ACKR2: variants seen among roughly 807,000 people sequenced by gnomAD.
The protein encoded by ACKR2 is C-C chemokine receptor D6.
For synonymous variants in ACKR2, 207 were observed against 192.2 expected (o/e 1.08, Z -0.64); for missense variants, 457 against 477.3 (o/e 0.96, Z 0.40).
intron 2 of ACKR2, among the ~76,000 whole-genome samples, chr3:42,849,377 C>T (rs1701129227): frequency 6.6e-6 from 1 of 151,916 alleles, no homozygotes; most frequent in East Asian, 1.9e-4. Context: ...TGGTGGGCAC[C>T]TGTAATCCCA....
At chr3:42,830,616 A>G (rs1406419025) in intron 2 of ACKR2, among the ~76,000 whole-genome samples, 1 of 152,066 alleles carries the variant, frequency 6.6e-6, no homozygotes, top group Admixed American at 6.6e-5. Flanking sequence ...AAATCCTGTA[A>G]TGTGTTTCTT....
In ACKR2 at chr3:42,867,216, G is replaced by C. The variant is rs892609744; in HGVS notation, c.*1559G>C. ...TTACTTTCTATATGCGGCCGGAACA[G>C]GGTGGTTGACATCAGTTTTCTTCAG... On this transcript the variant is annotated 3_prime_UTR_variant, in exon 3 of 3. Coordinates refer to ENST00000422265, the MANE Select transcript of ACKR2 (RefSeq NM_001296.5). 2 of 167,066 alleles carry C rather than the reference G, an allele frequency of 1.2e-5. No homozygotes were observed. The highest frequency in any genetic ancestry group is 4.8e-5 in the African/African-American group (2 of 41,440). 10.3% of individuals were successfully genotyped at this position (167,066 alleles called of 1,614,324 possible). A position where few individuals can be genotyped will look rare whatever the true frequency, so the allele number is the denominator to read the frequency against.
At position 42,829,597 on chromosome 3, in the gene ACKR2, G is replaced by A. The variant is rs113453403; in HGVS notation, c.-38+9886G>A. 2.5e-3 allele frequency among the ~76,000 whole-genome samples: 382 copies of A among 152,208 alleles called. 2 individuals carry two copies. Among genetic ancestry groups the A allele is most frequent in the African/African-American group, 8.5e-3 (352 of 41,526 alleles). On this transcript the variant is annotated intron_variant, in intron 2 of 2. Coordinates refer to ENST00000422265, the MANE Select transcript of ACKR2 (RefSeq NM_001296.5). ...GGGTCACTCATCCTATCACTTTTCCGATAGGGCCGTGGAGTTGTACCCTCT... is the reference window on the plus strand; with the variant it reads ...GGGTCACTCATCCTATCACTTTTCCAATAGGGCCGTGGAGTTGTACCCTCT...
Position 42,827,943 on chromosome 3 carries a change from CCA to C in ACKR2, c.-38+8238_-38+8239del, listed in dbSNP as rs1014030809. Among the ~76,000 whole-genome samples, 20 of 151,900 alleles carry C rather than the reference CCA, an allele frequency of 1.3e-4. 1 individual carries two copies. Among genetic ancestry groups the C allele is most frequent in the African/African-American group, 4.8e-4 (20 of 41,434 alleles). ...AGAAAAATGAATTGCCCTTTAGCTA[CCA>C]CACACCCTTCAGTCTTCTCCATAAA... On this transcript the variant is annotated intron_variant, in intron 2 of 2. Coordinates refer to ENST00000422265, the MANE Select transcript of ACKR2 (RefSeq NM_001296.5).
chr3:42,859,637 T>C (rs2088359973), intron 2 of ACKR2, among the ~76,000 whole-genome samples: 1 of 152,082 alleles, frequency 6.6e-6, no homozygotes, highest in Non-Finnish European at 1.5e-5. Flanking sequence ...CACCTCGGCC[T>C]CCCAAAGTGC....
chr3:42,854,380 A>T (rs1288621240), intron 2 of ACKR2, among the ~76,000 whole-genome samples: 1 of 152,180 alleles, frequency 6.6e-6, no homozygotes, highest in Non-Finnish European at 1.5e-5. Flanking sequence ...ACTGGCTCTC[A>T]GCACACCACT....
At chr3:42,839,818 T>A (rs1701018870) in intron 2 of ACKR2, among the ~76,000 whole-genome samples, 2 of 152,162 alleles carry the variant, frequency 1.3e-5, no homozygotes, top group South Asian at 4.1e-4. Flanking sequence ...CTGCGGTGTT[T>A]AGAATGTGAA....
chr3:42,859,509 G>A (rs2088358362), intron 2 of ACKR2, among the ~76,000 whole-genome samples: 1 of 151,964 alleles, frequency 6.6e-6, no homozygotes, highest in South Asian at 2.1e-4. Context: ...CTCCTGAGTG[G>A]CTGGGACTAG....
chr3:42,825,577 ATGTG>A (rs113371609), intron 2 of ACKR2, among the ~76,000 whole-genome samples: 3 of 148,716 alleles, frequency 2.0e-5, no homozygotes, highest in South Asian at 2.1e-4. Flanking sequence ...GTTAGCTCTG[ATGTG>A]TGTGTGTGTG....
At chr3:42,812,033 C>A (rs1202807056) in intron 1 of ACKR2, among the ~76,000 whole-genome samples, 1 of 152,212 alleles carries the variant, frequency 6.6e-6, no homozygotes, top group Non-Finnish European at 1.5e-5. Flanking sequence ...AACTCAGAGA[C>A]CGGGGCCTGT....
At chr3:42,845,858 AAAAAAAAG>A (rs1297959779) in intron 2 of ACKR2, among the ~76,000 whole-genome samples, 7 of 151,574 alleles carry the variant, frequency 4.6e-5, no homozygotes, top group African/African-American at 1.5e-4. Context: ...CAAAAAAAAA[AAAAAAAAG>A]AAAAAAGAAA....
Position 42,865,757 on chromosome 3 carries a change from AC to A in ACKR2, c.*103del. On this transcript the variant is annotated 3_prime_UTR_variant, in exon 3 of 3. Transcript: ENST00000422265. ...GGGGCCTCAGTGACTGTGTTGCTAA[AC>A]CCAGTGGTCAGTTCTCAGTTCTCAG... 1.0e-6 allele frequency: 1 copy of A among 955,030 alleles called. No homozygotes were observed. Among genetic ancestry groups the A allele is most frequent in the Non-Finnish European group, 1.6e-6 (1 of 640,384 alleles). The allele number at this position is 955,030 out of a possible 1,614,324, so 59.2% of individuals were successfully genotyped here. A position where few individuals can be genotyped will look rare whatever the true frequency, so the allele number is the denominator to read the frequency against.
At chr3:42,836,193 C>A (rs1246096233) in intron 2 of ACKR2, among the ~76,000 whole-genome samples, 2 of 152,196 alleles carry the variant, frequency 1.3e-5, no homozygotes, top group African/African-American at 2.4e-5. Context: ...ACACCTCTCT[C>A]CCACCTCCAA....
intron 2 of ACKR2, among the ~76,000 whole-genome samples, chr3:42,843,467 G>A (rs539922881): frequency 6.6e-6 from 1 of 151,772 alleles, no homozygotes; most frequent in Non-Finnish European, 1.5e-5. Context: ...TTTTTTTTCA[G>A]GTGTGTGTAT....
intron 2 of ACKR2, among the ~76,000 whole-genome samples, chr3:42,845,929 T>C (rs1440417110): frequency 6.7e-6 from 1 of 149,420 alleles, no homozygotes; most frequent in Middle Eastern, 3.2e-3. Context: ...ACAAAATGTA[T>C]CTGGGGAGAG....
intron 2 of ACKR2, among the ~76,000 whole-genome samples, chr3:42,859,760 T>G (rs2088361133): frequency 6.6e-6 from 1 of 151,982 alleles, no homozygotes; most frequent in East Asian, 1.9e-4. Context: ...GAAGGAGAAA[T>G]AAAATCCTTT....
intron 2 of ACKR2, chr3:42,835,821 C>T (rs1700982953): frequency 6.6e-6 from 1 of 152,160 alleles, no homozygotes; most frequent in African/African-American, 2.4e-5. Context: ...GATTTCTGTG[C>T]TTCCTGATTC....
chr3:42,823,654 G>A (rs1299216863), intron 2 of ACKR2, among the ~76,000 whole-genome samples: 2 of 152,188 alleles, frequency 1.3e-5, no homozygotes, highest in Non-Finnish European at 1.5e-5. Context: ...GACCATAAGA[G>A]GGGAGCTAAG....
intron 2 of ACKR2, 85 bp from the exon 3 acceptor site, chr3:42,864,380 GT>G: frequency 8.1e-7 from 1 of 1,230,318 alleles, no homozygotes; most frequent in Non-Finnish European, 1.1e-6. Flanking sequence ...GATTTGAAGA[GT>G]CTATTGGACA....
Sources: allele counts gnomAD v4.1 joint callset (sites outside exome capture counted in the v4.1 genomes callset), GRCh38; gene constraint gnomAD v4.1.1; transcripts MANE v1.5; gene names NCBI Gene and HGNC (gene_info 2026-07-23, HGNC 2026-07-21).